NUP155: variants seen among roughly 807,000 people sequenced by gnomAD.
NUP155 encodes the protein nucleoporin 155.
In NUP155, 71 loss-of-function variants were observed where a neutral mutation model predicts 180.4. The ratio of observed to expected loss-of-function variants is 0.39; its 90% CI spans 0.33 to 0.48. NUP155 has a LOEUF of 0.48. Ranked by LOEUF, NUP155 falls within the 20% of genes least tolerant of loss-of-function variation. The pLI is 0.91. For missense variants in NUP155, 1,553 were observed against 1,648.9 expected (o/e 0.94, Z 1.01); for synonymous variants, 582 against 559.5 (o/e 1.04, Z -0.57).
intron 3 of NUP155, among the ~76,000 whole-genome samples, chr5:37,358,822 T>G (rs997006782): frequency 2.0e-5 from 3 of 152,044 alleles, no homozygotes; most frequent in South Asian, 2.1e-4. Flanking sequence ...ATTGAGGCCA[T>G]CCTGGCCAAT....
chr5:37,310,338 A>T (rs1030821653), intron 23 of NUP155, among the ~76,000 whole-genome samples: 4 of 152,114 alleles, frequency 2.6e-5, no homozygotes, highest in African/African-American at 9.7e-5. Context: ...ATAAATAAAT[A>T]AAAATATTTT....
intron 29 of NUP155, 130 bp downstream of exon 29, chr5:37,302,649 T>C (rs1742925775): frequency 3.3e-6 from 3 of 909,616 alleles, no homozygotes; most frequent in Admixed American, 2.1e-5. Flanking sequence ...AAAATAAATA[T>C]AAACAGACAA....
chr5:37,294,269 T>A, intron 33 of NUP155, 60 bp downstream of exon 33: 1 of 1,202,260 alleles, frequency 8.3e-7, no homozygotes, highest in African/African-American at 1.5e-5. Context: ...CCCCACTCTA[T>A]ATCTACAAAG....
At chr5:37,310,496 C>T in intron 23 of NUP155, 56 bp downstream of exon 23, 1 of 1,419,362 alleles carries the variant, frequency 7.0e-7, no homozygotes, top group Non-Finnish European at 9.9e-7. Context: ...CAAGATGGTT[C>T]ATCATACATG....
intron 13 of NUP155, among the ~76,000 whole-genome samples, chr5:37,332,423 G>A (rs1260949929): frequency 1.4e-5 from 2 of 146,102 alleles, no homozygotes; most frequent in Admixed American, 7.2e-5. Context: ...CCGGGTTCAT[G>A]CCATTCTCCT....
At chr5:37,315,538 T>G (rs1743829753) in intron 21 of NUP155, among the ~76,000 whole-genome samples, 2 of 144,002 alleles carry the variant, frequency 1.4e-5, no homozygotes, top group Admixed American at 1.3e-4. Flanking sequence ...CCCAATGAGA[T>G]GCCATTCCAT....
intron 19 of NUP155, among the ~76,000 whole-genome samples, chr5:37,324,995 C>G (rs778064833): frequency 1.1e-4 from 17 of 152,054 alleles, no homozygotes; most frequent in Non-Finnish European, 2.1e-4. Flanking sequence ...ACTAAAAATA[C>G]AAAAAATCAG....
intron 5 of NUP155, among the ~76,000 whole-genome samples, chr5:37,352,420 C>T (rs956195601): frequency 6.6e-6 from 1 of 152,088 alleles, no homozygotes; most frequent in Non-Finnish European, 1.5e-5. Flanking sequence ...TGCCTGTAAT[C>T]CCAGCAACTC....
intron 11 of NUP155, among the ~76,000 whole-genome samples, chr5:37,339,057 A>G (rs943257024): frequency 6.6e-6 from 1 of 152,194 alleles, no homozygotes; most frequent in African/African-American, 2.4e-5. Flanking sequence ...GGAATGGCAG[A>G]GATAAGTGTA....
At chr5:37,340,658 C>A (rs1044604066) in intron 11 of NUP155, among the ~76,000 whole-genome samples, 12 of 152,106 alleles carry the variant, frequency 7.9e-5, no homozygotes, top group Non-Finnish European at 2.9e-5. Flanking sequence ...GTCTTTTCAA[C>A]AAATGGTGCT....
intron 4 of NUP155, among the ~76,000 whole-genome samples, chr5:37,357,546 A>T (rs1048712153): frequency 3.3e-5 from 5 of 152,150 alleles, no homozygotes; most frequent in Non-Finnish European, 5.9e-5. Context: ...AGTAAAAAGC[A>T]AATAAAATAA....
rs1743461373 is a variant in NUP155 at position 37,310,549 on chromosome 5, T to C, written c.2628+3A>G. On this transcript the variant is annotated splice_donor_region_variant and intron_variant, in intron 23 of 34. Coordinates refer to ENST00000231498, the MANE Select transcript of NUP155 (RefSeq NM_153485.3). ...CAATGAAATAGGTAATAAAGTATCA[T>C]ACCTTAGAACAAATTGCATCATCAG... is the stretch of plus-strand genomic sequence containing the variant. 2 of 1,608,726 alleles carry C rather than the reference T, an allele frequency of 1.2e-6. No homozygotes were observed. The highest frequency in any genetic ancestry group is 1.7e-6 in the Non-Finnish European group (2 of 1,175,636).
At chr5:37,309,365 G>T (rs550042363) in intron 23 of NUP155, 98 bp from the exon 24 acceptor site, 1,330 of 889,392 alleles carry the variant, frequency 1.5e-3, no homozygotes, top group East Asian at 3.6e-3. Context: ...TTTATATATG[G>T]TTATTACCAT....
chr5:37,346,405 C>T (rs1746088245), intron 9 of NUP155, among the ~76,000 whole-genome samples: 1 of 152,186 alleles, frequency 6.6e-6, no homozygotes, highest in African/African-American at 2.4e-5. Context: ...GGTGCAGTGG[C>T]TCACGCCTGT....
chr5:37,292,542 A>G (rs997506434), intron 34 of NUP155, among the ~76,000 whole-genome samples: 5 of 152,184 alleles, frequency 3.3e-5, no homozygotes, highest in Non-Finnish European at 5.9e-5. Context: ...AGAAGAAAGC[A>G]GTAAGAGATG....
intron 11 of NUP155, among the ~76,000 whole-genome samples, chr5:37,340,363 T>C (rs912722164): frequency 5.3e-5 from 8 of 151,750 alleles, no homozygotes; most frequent in Non-Finnish European, 8.8e-5. Context: ...GAGGACAGCA[T>C]GAGCCTGGGA....
At chr5:37,364,515 C>A (rs1176289135) in intron 1 of NUP155, 131 bp from the exon 2 acceptor site, 36 of 789,424 alleles carry the variant, frequency 4.6e-5, no homozygotes, top group Non-Finnish European at 6.1e-5. Context: ...TAGTTTTGAC[C>A]CAACACAAAG....
rs1747916181 is a variant in NUP155 at position 37,370,833 on chromosome 5, C to A, written c.145G>T (p.Val49Leu). ...MYPDLSELLM[V>L]SAPNNPTVSG... ...CACTATCACTCACTTGGGGCAGACA[C>A]CATAAGCAGCTCGGAAAGGTCCGGG... The change falls in exon 1 of 35, where the codon GTG becomes TTG. Residue 49 changes from valine to leucine, a missense_variant. By Grantham distance (32) the Val-to-Leu change is conservative. Coordinates refer to ENST00000231498, the MANE Select transcript of NUP155 (RefSeq NM_153485.3). 1 of 1,614,166 alleles carries A rather than the reference C, an allele frequency of 6.2e-7. No homozygotes were observed. The highest frequency in any genetic ancestry group is 8.5e-7 in the Non-Finnish European group (1 of 1,180,040).
intron 33 of NUP155, 21 bp from the exon 34 acceptor site, chr5:37,293,006 T>C: frequency 2.7e-6 from 4 of 1,469,964 alleles, no homozygotes; most frequent in Non-Finnish European, 3.8e-6. Flanking sequence ...ATATACATAA[T>C]GAAATGTGAG....
Sources: gnomAD v4.1 joint callset for allele counts (sites outside exome capture counted in the v4.1 genomes callset) on GRCh38, gnomAD v4.1.1 for gene constraint, MANE v1.5 for transcripts, NCBI Gene and HGNC (gene_info 2026-07-23, HGNC 2026-07-21) for gene names.